LIPC: variants seen among roughly 807,000 people sequenced by gnomAD.
LIPC encodes hepatic triacylglycerol lipase.
Under a neutral mutation model 50.7 loss-of-function variants are expected in LIPC, and 44 were observed. That is an observed-to-expected ratio of 0.87 (90% CI 0.68 to 1.11). The LOEUF is 1.11. Ranked by LOEUF, LIPC falls within the 50% of genes most tolerant of loss-of-function variation. LIPC has a pLI of 0.00. For missense variants in LIPC, 697 were observed against 648.2 expected (o/e 1.08, Z -0.82); for synonymous variants, 271 against 256.4 (o/e 1.06, Z -0.54).
intron 6 of LIPC, among the ~76,000 whole-genome samples, chr15:58,550,456 G>C (rs1467041764): frequency 6.6e-6 from 1 of 152,126 alleles, no homozygotes; most frequent in African/African-American, 2.4e-5. Context: ...CCCACTGCCC[G>C]ACCACCATAC....
At chr15:58,546,882 C>G (rs1893548130) in intron 5 of LIPC, among the ~76,000 whole-genome samples, 1 of 152,118 alleles carries the variant, frequency 6.6e-6, no homozygotes, top group Admixed American at 6.6e-5. Flanking sequence ...CAGCCTTCCA[C>G]CGCCCAGGCC....
In LIPC at chr15:58,565,693, C is replaced by G. The variant is rs1311511947; in HGVS notation, c.1388+1970C>G. On this transcript the variant is annotated intron_variant, in intron 8 of 8. Transcript: ENST00000299022. ...TTTGTTGGGGGTGTGCTGTTTCCAA[C>G]AGTTCCTTCTTCCATTAGTTTTGGT... is the stretch of plus-strand genomic sequence containing the variant. 14 of 1,003,158 alleles carry G rather than the reference C, an allele frequency of 1.4e-5. No individual in the cohort carries two copies. In the South Asian group the frequency reaches 4.5e-4, roughly 32 times the overall value. The allele number at this position is 1,003,158 out of a possible 1,614,324, so 62.1% of individuals were successfully genotyped here.
chr15:58,502,818 C>T (rs1278905677), intron 1 of LIPC, among the ~76,000 whole-genome samples: 4 of 152,032 alleles, frequency 2.6e-5, no homozygotes. Context: ...TAGGGCACTC[C>T]CATGTGCCAG....
At chr15:58,520,116 T>TG (rs767537353) in intron 1 of LIPC, among the ~76,000 whole-genome samples, 4 of 142,226 alleles carry the variant, frequency 2.8e-5, no homozygotes, top group Non-Finnish European at 4.8e-5. Context: ...TGGGCTGTTT[T>TG]TTTTTTGTTT....
At chr15:58,526,507 C>T (rs1460719207) in intron 1 of LIPC, among the ~76,000 whole-genome samples, 1 of 152,212 alleles carries the variant, frequency 6.6e-6, no homozygotes, top group Non-Finnish European at 1.5e-5. Context: ...CCCAGAACAA[C>T]CTGGCCAAAT....
Position 58,555,806 on chromosome 15 carries a change from G to A in LIPC, c.1052-5058G>A, listed in dbSNP as rs1362630890. Among the ~76,000 whole-genome samples the A allele has an allele frequency of 2.6e-5, 4 of 152,318 alleles. No homozygotes were observed. In the South Asian group the frequency reaches 6.2e-4, roughly 24 times the overall value. On this transcript the variant is annotated intron_variant, in intron 6 of 8. Transcript: ENST00000299022. ...GGGAAAACCAGAGCCATGGAGGAGGGGCTGCTGATAATCGTGGGAGGGCAG... is the reference window on the plus strand; with the variant it reads ...GGGAAAACCAGAGCCATGGAGGAGGAGCTGCTGATAATCGTGGGAGGGCAG...
At chr15:58,537,187 G>A (rs1893153138) in intron 1 of LIPC, among the ~76,000 whole-genome samples, 1 of 152,176 alleles carries the variant, frequency 6.6e-6, no homozygotes, top group Non-Finnish European at 1.5e-5. Flanking sequence ...GACATGCCAC[G>A]CCATGGAAAC....
intron 1 of LIPC, among the ~76,000 whole-genome samples, chr15:58,487,551 T>A (rs749952211): frequency 6.6e-6 from 1 of 152,250 alleles, no homozygotes; most frequent in Non-Finnish European, 1.5e-5. Flanking sequence ...TAAAACTGAA[T>A]GCATTTTTGC....
intron 1 of LIPC, among the ~76,000 whole-genome samples, chr15:58,478,480 C>T (rs1271959774): frequency 6.6e-6 from 1 of 152,138 alleles, no homozygotes; most frequent in East Asian, 1.9e-4. Flanking sequence ...CTCAAGTGAT[C>T]CACCGATCTT....
At chr15:58,565,335 G>A in intron 8 of LIPC, 3 of 1,532,996 alleles carry the variant, frequency 2.0e-6, no homozygotes, top group Non-Finnish European at 2.6e-6. Flanking sequence ...CTCAGTTTAG[G>A]TGGCTGCTCA....
intron 7 of LIPC, among the ~76,000 whole-genome samples, chr15:58,562,270 T>C (rs1566952782): frequency 6.6e-6 from 1 of 152,150 alleles, no homozygotes; most frequent in Non-Finnish European, 1.5e-5. Flanking sequence ...TTATGCACTG[T>C]GGGCTGAGCA....
In LIPC at chr15:58,538,227, C is replaced by A; in HGVS notation, c.89-106C>A. ...GCTCATTCTGATCTCCAGCATCTCCCAGTAACCTCTTTGGCTTGTGCTTGT... is the reference window on the plus strand; with the variant it reads ...GCTCATTCTGATCTCCAGCATCTCCAAGTAACCTCTTTGGCTTGTGCTTGT... On this transcript the variant is annotated intron_variant, in intron 1 of 8. Transcript: ENST00000299022. 3 of 1,080,624 alleles carry A rather than the reference C, an allele frequency of 2.8e-6. No homozygotes were observed. The Admixed American group carries it at 5.1e-5, about 18-fold the overall frequency. 66.9% of individuals were successfully genotyped at this position (1,080,624 alleles called of 1,614,324 possible).
intron 1 of LIPC, among the ~76,000 whole-genome samples, chr15:58,527,790 T>A (rs1271322187): frequency 2.0e-5 from 3 of 149,452 alleles, no homozygotes; most frequent in African/African-American, 7.7e-5. Context: ...AATAAATGAA[T>A]TAATGAATGA....
At chr15:58,556,946 T>C (rs1424996618) in intron 6 of LIPC, among the ~76,000 whole-genome samples, 3 of 152,236 alleles carry the variant, frequency 2.0e-5, no homozygotes, top group African/African-American at 7.2e-5. Flanking sequence ...TGGGACATAG[T>C]GAAGCGCTAA....
chr15:58,498,251 G>C (rs1326719500), intron 1 of LIPC, among the ~76,000 whole-genome samples: 1 of 152,132 alleles, frequency 6.6e-6, no homozygotes, highest in Non-Finnish European at 1.5e-5. Context: ...GGTTTGTTAA[G>C]TCACAGCCAG....
intron 1 of LIPC, among the ~76,000 whole-genome samples, chr15:58,475,708 A>G (rs551152242): frequency 2.0e-5 from 3 of 152,376 alleles, no homozygotes; most frequent in South Asian, 4.1e-4. Flanking sequence ...GGCCTTGTGC[A>G]ATGAATGGAT....
At chr15:58,545,709 C>T in intron 4 of LIPC, 33 bp from the exon 5 acceptor site, 1 of 1,580,092 alleles carries the variant, frequency 6.3e-7, no homozygotes, top group Non-Finnish European at 8.7e-7. Context: ...TCTCCTTGCT[C>T]CTGCGTAACC....
At chr15:58,552,054 G>T (rs1893782012) in intron 6 of LIPC, among the ~76,000 whole-genome samples, 1 of 152,176 alleles carries the variant, frequency 6.6e-6, no homozygotes, top group Non-Finnish European at 1.5e-5. Context: ...ACCAGTTTGG[G>T]AGCCTGTTTT....
At chr15:58,478,176 G>C (rs1483221453) in intron 1 of LIPC, among the ~76,000 whole-genome samples, 4 of 152,108 alleles carry the variant, frequency 2.6e-5, no homozygotes, top group Admixed American at 6.5e-5. Context: ...ATAAATAATA[G>C]TAGCTCACAT....
Sources: gnomAD v4.1 joint callset for allele counts (sites outside exome capture counted in the v4.1 genomes callset) on GRCh38, gnomAD v4.1.1 for gene constraint, MANE v1.5 for transcripts, NCBI Gene and HGNC (gene_info 2026-07-23, HGNC 2026-07-21) for gene names.